TRMT11: variants seen among roughly 807,000 people sequenced by gnomAD.
TRMT11 encodes tRNA methyltransferase 11.
Under a neutral mutation model 62.8 loss-of-function variants are expected in TRMT11, and 53 were observed. The ratio of observed to expected loss-of-function variants is 0.84; its 90% CI spans 0.68 to 1.06. The LOEUF is 1.06. TRMT11 is among the 50% of genes least tolerant of loss of function. The pLI, the probability that TRMT11 is intolerant of heterozygous loss-of-function variation, is 0.00. For missense variants in TRMT11, 556 were observed against 553.4 expected, an observed-to-expected ratio of 1.00 and a Z score of -0.05; for synonymous variants, 188 against 190.3, an observed-to-expected ratio of 0.99 and a Z score of 0.10.
chr6:126,107,738 T>C (rs890847155), intron 17 of TRMT11, among the ~76,000 whole-genome samples: 6 of 152,200 alleles, frequency 3.9e-5, no homozygotes, highest in Admixed American at 1.3e-4. Context: ...AATAACCTTT[T>C]CCTTATTGAG....
chr6:126,259,489 A>G, the TRMT11 span, among the ~76,000 whole-genome samples: 1 of 152,298 alleles, frequency 6.6e-6, no homozygotes, highest in South Asian at 2.1e-4. Context: ...GAGCCACCGC[A>G]CCTGGCCTGC....
chr6:126,209,373 A>G, the TRMT11 span, among the ~76,000 whole-genome samples: 1 of 152,138 alleles, frequency 6.6e-6, no homozygotes, highest in Non-Finnish European at 1.5e-5. Flanking sequence ...TTCTCAGGCC[A>G]TATTACATTT....
At chr6:126,267,933 T>A in the TRMT11 span, among the ~76,000 whole-genome samples, 1 of 152,100 alleles carries the variant, frequency 6.6e-6, no homozygotes, top group Non-Finnish European at 1.5e-5. Flanking sequence ...TCAAAAATAA[T>A]CTCTTACTCT....
At chr6:126,094,755 A>G (rs944075529) in intron 17 of TRMT11, among the ~76,000 whole-genome samples, 2 of 152,196 alleles carry the variant, frequency 1.3e-5, no homozygotes, top group Admixed American at 6.5e-5. Context: ...TCTTGGGACA[A>G]ACACTGCAGG....
chr6:126,064,762 G>T (rs1776639121), intron 17 of TRMT11, among the ~76,000 whole-genome samples: 1 of 152,224 alleles, frequency 6.6e-6, no homozygotes, highest in African/African-American at 2.4e-5. Flanking sequence ...CTCTTAGGCT[G>T]CAGATTTATC....
At chr6:126,012,722 A>C (rs756373388) in intron 9 of TRMT11, 49 bp from the exon 10 acceptor site, 1 of 1,466,730 alleles carries the variant, frequency 6.8e-7, no homozygotes, top group East Asian at 2.3e-5. Context: ...CCCTTGATCC[A>C]TGATTTGGTG....
At chr6:126,133,963 T>A (rs1016421383) in intron 21 of TRMT11, among the ~76,000 whole-genome samples, 1 of 151,914 alleles carries the variant, frequency 6.6e-6, no homozygotes, top group Non-Finnish European at 1.5e-5. Context: ...CTGTAATGAG[T>A]TGAGTTGTTG....
intron 12 of TRMT11, among the ~76,000 whole-genome samples, chr6:126,030,138 A>G (rs1030853539): frequency 6.6e-6 from 1 of 152,150 alleles, no homozygotes; most frequent in Non-Finnish European, 1.5e-5. Context: ...GTTTCTCTTA[A>G]TAGTATTGGA....
intron 21 of TRMT11, among the ~76,000 whole-genome samples, chr6:126,154,913 A>G (rs941981393): frequency 6.6e-6 from 1 of 152,084 alleles, no homozygotes; most frequent in Non-Finnish European, 1.5e-5. Flanking sequence ...ATGTTGATGG[A>G]CTGTTTTAGA....
At chr6:126,092,597 TG>T (rs775973511) in intron 17 of TRMT11, among the ~76,000 whole-genome samples, 9 of 152,214 alleles carry the variant, frequency 5.9e-5, no homozygotes, top group Non-Finnish European at 8.8e-5. Flanking sequence ...CCGTATCATC[TG>T]GTTTTCTAAC....
intron 17 of TRMT11, among the ~76,000 whole-genome samples, chr6:126,074,883 G>T (rs1030379994): frequency 1.3e-5 from 2 of 152,064 alleles, no homozygotes; most frequent in African/African-American, 2.4e-5. Flanking sequence ...CTAAAAGTCA[G>T]TATTCATTCA....
At chr6:126,004,757 A>G (rs748764553) in intron 7 of TRMT11, among the ~76,000 whole-genome samples, 5 of 152,064 alleles carry the variant, frequency 3.3e-5, no homozygotes, top group Non-Finnish European at 7.4e-5. Flanking sequence ...TCCCAAATGT[A>G]TTGCTCACTT....
intron 1 of TRMT11, among the ~76,000 whole-genome samples, chr6:125,987,944 G>A (rs529463944): frequency 1.4e-4 from 22 of 152,290 alleles, no homozygotes; most frequent in African/African-American, 5.1e-4. Flanking sequence ...ATATTTGGGA[G>A]TCTTCTTCAT....
At chr6:126,080,486 A>G (rs1777138260) in intron 17 of TRMT11, among the ~76,000 whole-genome samples, 1 of 152,128 alleles carries the variant, frequency 6.6e-6, no homozygotes, top group South Asian at 2.1e-4. Flanking sequence ...GCTAATTCAC[A>G]GATTTAGAGC....
chr6:126,101,456 T>C (rs1267723077), intron 17 of TRMT11, among the ~76,000 whole-genome samples: 1 of 152,198 alleles, frequency 6.6e-6, no homozygotes, highest in East Asian at 1.9e-4. Context: ...GGTGTATCTG[T>C]TCCCATTTTT....
intron 7 of TRMT11, among the ~76,000 whole-genome samples, chr6:126,000,650 A>G (rs1792318430): frequency 1.3e-5 from 2 of 152,098 alleles, no homozygotes; most frequent in African/African-American, 2.4e-5. Context: ...CCAACCAGCT[A>G]TTACACCATG....
chr6:126,045,533 A>C (rs1003617067), intron 16 of TRMT11, among the ~76,000 whole-genome samples: 6 of 152,132 alleles, frequency 3.9e-5, no homozygotes, highest in Admixed American at 1.3e-4. Context: ...ATGAGGAGCA[A>C]ATGGGGCAGT....
At chr6:126,012,881 C>CT in intron 10 of TRMT11, 29 bp downstream of exon 10, 1 of 1,608,998 alleles carries the variant, frequency 6.2e-7, no homozygotes. Flanking sequence ...TGATGTGTTA[C>CT]TACCTTGAGA....
the TRMT11 span, among the ~76,000 whole-genome samples, chr6:126,244,037 T>G: frequency 6.6e-6 from 1 of 152,220 alleles, no homozygotes; most frequent in South Asian, 2.1e-4. Context: ...ATCTGAGCCT[T>G]TAGAAAAGAA....
Sources: allele counts gnomAD v4.1 joint callset (sites outside exome capture counted in the v4.1 genomes callset), GRCh38; gene constraint gnomAD v4.1.1; transcripts MANE v1.5; gene names NCBI Gene and HGNC (gene_info 2026-07-23, HGNC 2026-07-21).